The following NOB1 variants were observed in gnomAD, a reference collection of about 807,000 sequenced individuals.
NOB1 encodes the protein RNA-binding protein NOB1.
In NOB1, 44 loss-of-function variants were observed where a neutral mutation model predicts 44.8. The observed-to-expected ratio is 0.98, with a 90% CI of 0.77 to 1.26. The LOEUF (loss-of-function observed/expected upper bound fraction) is 1.26, where lower values mean the gene tolerates loss of function less well. Among genes scored for constraint, NOB1 ranks in the 50% most tolerant of loss-of-function variants. The pLI is 0.00. For missense variants in NOB1, 560 were observed against 544.8 expected, an observed-to-expected ratio of 1.03 and a Z score of -0.28; for synonymous variants, 238 against 218.7, an observed-to-expected ratio of 1.09 and a Z score of -0.78.
intron 8 of NOB1, among the ~76,000 whole-genome samples, chr16:69,743,412 ATAAC>A (rs1259128990): frequency 6.6e-6 from 1 of 152,256 alleles, no homozygotes; most frequent in Non-Finnish European, 1.5e-5. Flanking sequence ...AGTATTATAA[ATAAC>A]TTTACAGGGG....
chr16:69,745,128 C>T (rs187298086), intron 7 of NOB1, 111 bp from the exon 8 acceptor site: 94 of 1,084,832 alleles, frequency 8.7e-5, no homozygotes, highest in Admixed American at 6.3e-4. Flanking sequence ...AAGGGCTGAA[C>T]CGCACCACAC....
chr16:69,744,969 C>T lies in NOB1; in HGVS notation c.873G>A (p.Lys291=), dbSNP rs779451471. The T allele has an allele frequency of 2.4e-5, 38 of 1,614,042 alleles. No individual in the cohort carries two copies. Among genetic ancestry groups the T allele is most frequent in the Non-Finnish European group, 3.2e-5 (38 of 1,180,042 alleles). Residue 291 remains lysine (K), a synonymous_variant, in exon 8 of 9, where the codon AAG becomes AAA. Coordinates refer to ENST00000268802, the MANE Select transcript of NOB1 (RefSeq NM_014062.3). The stretch of plus-strand genomic sequence containing the variant: ...CGGTCACGGACACTTTCTTCAGGGT[C>T]TTGTTCCCACAGTGTGAGCAGAACA... ...SRVFCSHCGN[K]TLKKVSVTVS...
At chr16:69,748,456 G>A (rs1473316339) in intron 6 of NOB1, 127 bp from the exon 7 acceptor site, 15 of 771,812 alleles carry the variant, frequency 1.9e-5, no homozygotes, top group Admixed American at 1.5e-4. Context: ...AACTCAGCCT[G>A]GGGAGGCCTC....
intron 6 of NOB1, chr16:69,748,714 C>T: frequency 1.8e-6 from 1 of 550,698 alleles, no homozygotes; most frequent in Non-Finnish European, 3.2e-6. Flanking sequence ...AAACGTTAAA[C>T]ATTTAATGTA....
chr16:69,748,926 C>A lies in NOB1; in HGVS notation c.718G>T (p.Ala240Ser), dbSNP rs748142401. The A allele has an allele frequency of 1.2e-6, 2 of 1,604,736 alleles. No homozygotes were observed. Among genetic ancestry groups the A allele is most frequent in the Non-Finnish European group, 1.7e-6 (2 of 1,174,784 alleles). ...VRVGCLTTDFAMQNVLLQMGL... is the reference protein window; with the variant it reads ...VRVGCLTTDFSMQNVLLQMGL... ...AGGCCCACCCTACCCACCTGCATGG[C>A]GAAGTCTGTGGTCAGGCAGCCAACC... is the stretch of plus-strand genomic sequence containing the variant. Residue 240 changes from alanine (A) to serine (S), a missense_variant, in exon 6 of 9, where the codon GCC becomes TCC. Ala to Ser is a moderately conservative substitution (Grantham distance 99). Coordinates refer to ENST00000268802, the MANE Select transcript of NOB1 (RefSeq NM_014062.3).
At chr16:69,753,116 G>A (rs987111781) in intron 2 of NOB1, among the ~76,000 whole-genome samples, 3 of 152,140 alleles carry the variant, frequency 2.0e-5, no homozygotes, top group Non-Finnish European at 2.9e-5. Flanking sequence ...CAGCTACTGG[G>A]GAGGCTGAGG....
intron 8 of NOB1, 152 bp from the exon 9 acceptor site, chr16:69,742,753 T>C: frequency 1.4e-6 from 1 of 731,302 alleles, no homozygotes; most frequent in Non-Finnish European, 2.2e-6. Flanking sequence ...ACGTGTGACA[T>C]GCCGCCGCCT....
At chr16:69,752,169 A>T in intron 3 of NOB1, 72 bp downstream of exon 3, 1 of 1,449,246 alleles carries the variant, frequency 6.9e-7, no homozygotes, top group Non-Finnish European at 9.7e-7. Context: ...CCATTACACT[A>T]GTCCTTCTAC....
rs1329187520 is a variant in NOB1 at position 69,745,094 on chromosome 16, C to T, written c.825-77G>A. ...CCTCCCCAGAGCACAAGGTGGGTCT[C>T]GGGCCTCAGGAGAAGAAACAGGGAA... On this transcript the variant is annotated intron_variant, in intron 7 of 8. Transcript: ENST00000268802. The T allele has an allele frequency of 1.7e-5, 25 of 1,513,276 alleles. No individual in the cohort carries two copies. In the Admixed American group the frequency reaches 1.8e-4, roughly 11 times the overall value. The allele number at this position is 1,513,276 out of a possible 1,614,324, so 93.7% of individuals were successfully genotyped here.
chr16:69,745,493 G>T (rs1325857636), intron 7 of NOB1, among the ~76,000 whole-genome samples: 1 of 152,170 alleles, frequency 6.6e-6, no homozygotes, highest in African/African-American at 2.4e-5. Context: ...GTCACACCAC[G>T]AGCTACCTTT....
intron 3 of NOB1, 147 bp from the exon 4 acceptor site, chr16:69,749,777 A>G: frequency 1.7e-6 from 1 of 586,268 alleles, no homozygotes; most frequent in Non-Finnish European, 2.9e-6. Context: ...CAGGAATTGG[A>G]GACCAGCCTG....
Position 69,742,579 on chromosome 16 carries a change from C to G in NOB1, c.992G>C (p.Gly331Ala), listed in dbSNP as rs751735190. 1.7e-5 allele frequency: 28 copies of G among 1,613,940 alleles called. No homozygotes were observed. The Admixed American group carries it at 2.7e-4, about 15-fold the overall frequency. ...ATGGGGGTTGATGGCGTATTTGCCCCCTTTGGGAGTGGGAAGCGAGTACTG... is the reference window on the plus strand; with the variant it reads ...ATGGGGGTTGATGGCGTATTTGCCCGCTTTGGGAGTGGGAAGCGAGTACTG... ...GLRYSLPTPKGGKYAINPHLT... is the reference protein window; with the variant it reads ...GLRYSLPTPKAGKYAINPHLT... The change falls in exon 9 of 9, where the codon GGG becomes GCG. Residue 331 changes from glycine to alanine, a missense_variant. Coordinates refer to ENST00000268802, the MANE Select transcript of NOB1 (RefSeq NM_014062.3).
At chr16:69,743,615 G>C (rs1294381562) in intron 8 of NOB1, among the ~76,000 whole-genome samples, 1 of 151,236 alleles carries the variant, frequency 6.6e-6, no homozygotes, top group Non-Finnish European at 1.5e-5. Context: ...CACACGCAAG[G>C]GAAAGGACAT....
In NOB1 at chr16:69,749,303, TGA is replaced by T; in HGVS notation, c.433_434del (p.Ala146LeufsTer2). On this transcript the variant is annotated frameshift_variant, in exon 5 of 9. Transcript: ENST00000268802. LOFTEE classifies it high-confidence loss of function. ...ATTCCAGGTTCTCAGGCTCACAAGC[TGA>T]GTGTCCTTTTTCTGTTTCTTGTGGG... Reference protein sequence around the residue: ...KPPQETEKGHSACEPENLEFS... With the variant: ...KPPQETEKGHXACEPENLEFS... The T allele has an allele frequency of 1.2e-6, 2 of 1,605,930 alleles. No homozygotes were observed. Among genetic ancestry groups the T allele is most frequent in the Non-Finnish European group, 1.7e-6 (2 of 1,177,992 alleles).
chr16:69,752,298 T>G lies in NOB1; in HGVS notation c.270A>C (p.Thr90=). 6.2e-7 allele frequency: 1 copy of G among 1,613,808 alleles called. No homozygotes were observed. Among genetic ancestry groups the G allele is most frequent in the Non-Finnish European group, 8.5e-7 (1 of 1,179,952 alleles). The change falls in exon 3 of 9, where the codon ACA becomes ACC. Residue 90 remains threonine, a synonymous_variant. Transcript: ENST00000268802. ...CAACAAACTCTGCTTCCAACTGGTA[T>G]GTGAGTGCAAGCACTTGGATGTCCG... The part of the protein sequence containing the change: ...SATDIQVLAL[T]YQLEAEFVGV...
At position 69,754,662 on chromosome 16, in the gene NOB1, C is replaced by A. The variant is rs746961475; in HGVS notation, c.128G>T (p.Arg43Leu). The A allele has an allele frequency of 1.2e-6, 2 of 1,614,194 alleles. No homozygotes were observed. The highest frequency in any genetic ancestry group is 1.7e-6 in the Non-Finnish European group (2 of 1,180,050). Residue 43 changes from arginine (R) to leucine (L), a missense_variant, in exon 2 of 9, where the codon CGC becomes CTC. Arg to Leu is a moderately radical substitution (Grantham distance 102). Transcript: ENST00000268802. ...GTAGGGCAGGACAGCGAGCCGCCTG[C>A]GTGTGGCCTTGTCCCGAATCTCAGT... is the stretch of plus-strand genomic sequence containing the variant. ...VVTEIRDKAT[R>L]RRLAVLPYEL...
chr16:69,750,569 G>C (rs1240262443), intron 3 of NOB1, among the ~76,000 whole-genome samples: 3 of 152,160 alleles, frequency 2.0e-5, no homozygotes, highest in African/African-American at 7.2e-5. Context: ...TGATGCTGCA[G>C]TGAGCTGTGA....
intron 2 of NOB1, among the ~76,000 whole-genome samples, chr16:69,753,271 T>C (rs539584472): frequency 3.3e-5 from 5 of 152,144 alleles, no homozygotes; most frequent in Non-Finnish European, 5.9e-5. Context: ...TCAGATTCAG[T>C]ATGCTCAACT....
chr16:69,746,009 G>A (rs560466006), intron 7 of NOB1, among the ~76,000 whole-genome samples: 1 of 152,360 alleles, frequency 6.6e-6, no homozygotes, highest in Non-Finnish European at 1.5e-5. Context: ...GAAGCCAGGA[G>A]CTTTACTATC....
Sources: gnomAD v4.1 joint callset for allele counts (sites outside exome capture counted in the v4.1 genomes callset) on GRCh38, gnomAD v4.1.1 for gene constraint, MANE v1.5 for transcripts, NCBI Gene and HGNC (gene_info 2026-07-23, HGNC 2026-07-21) for gene names.